The following DCDC1 variants were observed in gnomAD, a reference collection of about 807,000 sequenced individuals.
The protein encoded by DCDC1 is doublecortin domain containing 1.
Under a neutral mutation model 178.3 loss-of-function variants are expected in DCDC1, and 200 were observed. That is an observed-to-expected ratio of 1.12 (90% CI 1.00 to 1.26). DCDC1 has a LOEUF of 1.26. Among genes scored for constraint, DCDC1 ranks in the 50% most tolerant of loss-of-function variants. The probability of loss-of-function intolerance (pLI) is 0.00; values close to 1 mark genes in which losing one functional copy is unlikely to be tolerated. For synonymous variants in DCDC1, 690 were observed against 604.8 expected (o/e 1.14, Z -2.07); for missense variants, 1,983 against 1,749.2 (o/e 1.13, Z -2.38).
intron 9 of DCDC1, among the ~76,000 whole-genome samples, chr11:31,191,612 TGA>T (rs1360123450): frequency 2.6e-5 from 4 of 152,138 alleles, no homozygotes; most frequent in Admixed American, 6.6e-5. Context: ...CATTAAATCA[TGA>T]GTGTGGGTGG....
chr11:31,359,043 G>A (rs1489327237), intron 1 of DCDC1, among the ~76,000 whole-genome samples: 2 of 152,046 alleles, frequency 1.3e-5, no homozygotes, highest in Non-Finnish European at 2.9e-5. Flanking sequence ...TCAGGGATCT[G>A]GAACTAGAAA....
At chr11:31,150,740 A>G (rs1390005020) in intron 9 of DCDC1, among the ~76,000 whole-genome samples, 4 of 100,578 alleles carry the variant, frequency 4.0e-5, no homozygotes, top group Non-Finnish European at 9.5e-5. Context: ...CTCCAACATA[A>G]TTGCTTTTTC....
chr11:31,211,974 T>G (rs2136537647), intron 9 of DCDC1, among the ~76,000 whole-genome samples: 1 of 151,892 alleles, frequency 6.6e-6, no homozygotes, highest in African/African-American at 2.4e-5. Flanking sequence ...TCCCAGCTAC[T>G]TGGGAGGCTG....
chr11:30,894,142 G>A, intron 35 of DCDC1, 106 bp downstream of exon 35: 8 of 1,430,188 alleles, frequency 5.6e-6, no homozygotes, highest in Non-Finnish European at 6.5e-6. Flanking sequence ...TAACTGATCA[G>A]ATGCTGAGAA....
At chr11:30,889,156 G>A (rs949628107) in intron 36 of DCDC1, among the ~76,000 whole-genome samples, 9 of 152,354 alleles carry the variant, frequency 5.9e-5, no homozygotes, top group African/African-American at 2.2e-4. Flanking sequence ...GACCATAGAA[G>A]GAGGGGCACA....
chr11:31,164,370 G>C (rs1249869287), intron 9 of DCDC1, among the ~76,000 whole-genome samples: 1 of 152,110 alleles, frequency 6.6e-6, no homozygotes, highest in East Asian at 1.9e-4. Flanking sequence ...ACTTCAGGCA[G>C]GTGTTTCAGG....
chr11:30,911,246 TC>T, intron 28 of DCDC1, 80 bp downstream of exon 28: 1 of 1,123,670 alleles, frequency 8.9e-7, no homozygotes, highest in Non-Finnish European at 1.3e-6. Context: ...TTTTTTTTTT[TC>T]CTCCACTACA....
At chr11:30,961,856 A>G (rs1042757610) in intron 20 of DCDC1, among the ~76,000 whole-genome samples, 1 of 152,024 alleles carries the variant, frequency 6.6e-6, no homozygotes, top group Non-Finnish European at 1.5e-5. Context: ...CATGGATTTG[A>G]ACTGTTTTGA....
At chr11:31,298,224 T>C (rs923074731) in intron 6 of DCDC1, among the ~76,000 whole-genome samples, 5 of 152,166 alleles carry the variant, frequency 3.3e-5, no homozygotes, top group African/African-American at 1.2e-4. Flanking sequence ...ACCTTGTTGA[T>C]AGTTCTTTCA....
intron 1 of DCDC1, among the ~76,000 whole-genome samples, chr11:31,346,797 G>GA (rs1252432289): frequency 6.6e-6 from 1 of 152,192 alleles, no homozygotes; most frequent in Non-Finnish European, 1.5e-5. Context: ...TCAGACAGCT[G>GA]ATGATTGTTT....
chr11:30,906,411 TA>T, intron 30 of DCDC1, 128 bp downstream of exon 30: 1 of 910,528 alleles, frequency 1.1e-6, no homozygotes, highest in Non-Finnish European at 1.6e-6. Flanking sequence ...GGTAGAATGG[TA>T]AAGGTGCATC....
At chr11:31,303,511 C>T (rs1026587132) in intron 6 of DCDC1, among the ~76,000 whole-genome samples, 26 of 152,026 alleles carry the variant, frequency 1.7e-4, no homozygotes, top group African/African-American at 6.0e-4. Flanking sequence ...ATCTGTAAAA[C>T]AGATGACAGA....
At chr11:31,211,418 C>A (rs550858773) in intron 9 of DCDC1, among the ~76,000 whole-genome samples, 1 of 152,300 alleles carries the variant, frequency 6.6e-6, no homozygotes, top group African/African-American at 2.4e-5. Context: ...ATGCCTACTA[C>A]CTGAATTGCT....
chr11:30,869,693 A>T (rs1203071967), intron 38 of DCDC1, among the ~76,000 whole-genome samples: 1 of 152,192 alleles, frequency 6.6e-6, no homozygotes, highest in African/African-American at 2.4e-5. Context: ...AAATCATGGA[A>T]GTAAGAGAGA....
intron 20 of DCDC1, among the ~76,000 whole-genome samples, chr11:30,985,115 G>A (rs1350034205): frequency 2.6e-5 from 4 of 152,106 alleles, no homozygotes; most frequent in East Asian, 3.9e-4. Context: ...ACAACTTTTC[G>A]ATTCTGTTTC....
Position 31,121,479 on chromosome 11 carries a change from G to C in DCDC1, c.1485+5990C>G, listed in dbSNP as rs529403991. 4.0e-5 allele frequency among the ~76,000 whole-genome samples: 6 copies of C among 148,580 alleles called. No individual in the cohort carries two copies. The South Asian group carries it at 1.1e-3, about 27-fold the overall frequency. ...ATTATGTCACATGATTGCAAAAATG[G>C]GAGTGAGGCAATATGGAACACAGAA... On this transcript the variant is annotated intron_variant, in intron 11 of 38. Coordinates refer to ENST00000684477, the MANE Select transcript of DCDC1 (RefSeq NM_001387274.1).
intron 17 of DCDC1, among the ~76,000 whole-genome samples, chr11:31,078,439 T>A (rs985043692): frequency 2.0e-5 from 3 of 152,338 alleles, no homozygotes. Context: ...TAATTATGCC[T>A]AAATTAACTA....
At chr11:31,081,575 A>C (rs1434455786) in intron 17 of DCDC1, among the ~76,000 whole-genome samples, 6 of 152,146 alleles carry the variant, frequency 3.9e-5, no homozygotes, top group Admixed American at 3.3e-4. Flanking sequence ...ATGCCATTGC[A>C]CTGCAGCCTG....
intron 9 of DCDC1, among the ~76,000 whole-genome samples, chr11:31,196,990 G>A (rs1970769682): frequency 6.6e-6 from 1 of 152,114 alleles, no homozygotes; most frequent in African/African-American, 2.4e-5. Flanking sequence ...CTGGGACAAA[G>A]AGCAAATATT....
Sources: allele counts gnomAD v4.1 joint callset (sites outside exome capture counted in the v4.1 genomes callset), GRCh38; gene constraint gnomAD v4.1.1; transcripts MANE v1.5; gene names NCBI Gene and HGNC (gene_info 2026-07-23, HGNC 2026-07-21).